HS3ST4: variants seen among roughly 807,000 people sequenced by gnomAD.
The protein encoded by HS3ST4 is heparan sulfate-glucosamine 3-sulfotransferase 4.
A neutral mutation model predicts 29.2 loss-of-function variants in HS3ST4; 17 were observed. The ratio of observed to expected loss-of-function variants is 0.58; its 90% CI spans 0.40 to 0.87. The LOEUF (loss-of-function observed/expected upper bound fraction) is 0.87, where lower values mean the gene tolerates loss of function less well. HS3ST4 is among the 40% of genes least tolerant of loss of function. HS3ST4 has a pLI of 0.00. For synonymous variants in HS3ST4, 314 were observed against 285.7 expected (o/e 1.10, Z -1.00); for missense variants, 627 against 634.5 (o/e 0.99, Z 0.13).
At chr16:26,092,658 A>G (rs1055692782) in intron 1 of HS3ST4, among the ~76,000 whole-genome samples, 13 of 152,200 alleles carry the variant, frequency 8.5e-5, no homozygotes, top group Admixed American at 7.2e-4. Context: ...TCCGGTCTGC[A>G]GCTCCCAGTG....
At chr16:25,810,003 G>A (rs1309016058) in intron 1 of HS3ST4, among the ~76,000 whole-genome samples, 1 of 151,562 alleles carries the variant, frequency 6.6e-6, no homozygotes, top group African/African-American at 2.4e-5. Flanking sequence ...TGTTTCTTCT[G>A]CTTGCTTTGA....
chr16:25,809,473 A>G (rs1567244593), intron 1 of HS3ST4, among the ~76,000 whole-genome samples: 2 of 151,988 alleles, frequency 1.3e-5, no homozygotes, highest in Non-Finnish European at 2.9e-5. Flanking sequence ...ATTGATCGGT[A>G]TTTTCTTTTT....
intron 1 of HS3ST4, among the ~76,000 whole-genome samples, chr16:26,125,283 G>A (rs1899326547): frequency 6.6e-6 from 1 of 152,118 alleles, no homozygotes; most frequent in Non-Finnish European, 1.5e-5. Context: ...TCCACAGATG[G>A]GGGTGGGGTG....
chr16:25,979,849 C>T (rs1191311424), intron 1 of HS3ST4, among the ~76,000 whole-genome samples: 1 of 152,206 alleles, frequency 6.6e-6, no homozygotes, highest in Non-Finnish European at 1.5e-5. Flanking sequence ...CTAGAAGTGG[C>T]TGCTTCTCTT....
At chr16:26,116,072 A>G (rs1899197671) in intron 1 of HS3ST4, among the ~76,000 whole-genome samples, 3 of 152,212 alleles carry the variant, frequency 2.0e-5, no homozygotes, top group Non-Finnish European at 4.4e-5. Flanking sequence ...GGTGTTGGCC[A>G]GGGCCAACAT....
intron 1 of HS3ST4, among the ~76,000 whole-genome samples, chr16:26,115,266 T>TGTATATATATATACACAC (rs1555484852): frequency 7.4e-5 from 11 of 148,486 alleles, no homozygotes; most frequent in African/African-American, 2.8e-4. Context: ...TACATATATA[T>TGTATATATATATACACAC]ACACACACAC....
In HS3ST4 at chr16:25,960,195, A is replaced by C. The variant is rs140081528; in HGVS notation, c.735-175417A>C. Among the ~76,000 whole-genome samples, 365 of 152,232 alleles carry C rather than the reference A, an allele frequency of 2.4e-3. 1 individual carries two copies. The highest frequency in any genetic ancestry group is 8.5e-3 in the African/African-American group (353 of 41,562). ...CCCTTGCTCACTCTCTGGCCATGTG[A>C]CATACCTGCTCCCCCTTCTCCTTCC... On this transcript the variant is annotated intron_variant, in intron 1 of 1. Transcript: ENST00000331351.
intron 1 of HS3ST4, among the ~76,000 whole-genome samples, chr16:25,755,345 T>A (rs1966750570): frequency 6.6e-6 from 1 of 152,178 alleles, no homozygotes; most frequent in African/African-American, 2.4e-5. Flanking sequence ...GAGGCAACAA[T>A]AAACTGTGGA....
At chr16:25,777,295 C>T (rs1966848396) in intron 1 of HS3ST4, among the ~76,000 whole-genome samples, 1 of 152,200 alleles carries the variant, frequency 6.6e-6, no homozygotes, top group South Asian at 2.1e-4. Context: ...TCCCCCACAC[C>T]TCTATAACTT....
chr16:25,715,210 T>C lies in HS3ST4; in HGVS notation c.734+22059T>C, dbSNP rs531805580. Among the ~76,000 whole-genome samples the C allele has an allele frequency of 4.6e-5, 7 of 151,644 alleles. No individual in the cohort carries two copies. The East Asian group carries it at 1.4e-3, about 29-fold the overall frequency. On this transcript the variant is annotated intron_variant, in intron 1 of 1. Coordinates refer to ENST00000331351, the MANE Select transcript of HS3ST4 (RefSeq NM_006040.3). The stretch of plus-strand genomic sequence containing the variant: ...GGTGGCGGGCGCCTGTAGTCCCAGC[T>C]ACTCGGGAGGCTGAGGCAGGAGAAT...
chr16:25,943,594 G>C (rs1209202942), intron 1 of HS3ST4, among the ~76,000 whole-genome samples: 1 of 152,212 alleles, frequency 6.6e-6, no homozygotes, highest in African/African-American at 2.4e-5. Flanking sequence ...TCTTGTAAAA[G>C]CAAAATTATT....
intron 1 of HS3ST4, among the ~76,000 whole-genome samples, chr16:25,917,948 A>G (rs965881757): frequency 6.6e-6 from 1 of 152,160 alleles, no homozygotes; most frequent in African/African-American, 2.4e-5. Context: ...CTATAAATTT[A>G]TTGATTCACC....
At chr16:26,010,455 A>C (rs1433993344) in intron 1 of HS3ST4, among the ~76,000 whole-genome samples, 2 of 151,342 alleles carry the variant, frequency 1.3e-5, no homozygotes, top group Non-Finnish European at 2.9e-5. Context: ...CTCCATCTCA[A>C]AAAAAGAAAA....
intron 1 of HS3ST4, among the ~76,000 whole-genome samples, chr16:26,119,984 A>C (rs4541081): frequency 0.094 from 14,235 of 151,938 alleles, 917 homozygotes; most frequent in African/African-American, 0.18. Flanking sequence ...GGATTGCTAG[A>C]TGAGGAGGTG....
intron 1 of HS3ST4, among the ~76,000 whole-genome samples, chr16:25,802,088 G>A (rs12919795): frequency 0.24 from 36,342 of 150,994 alleles, 5,436 homozygotes; most frequent in South Asian, 0.42. Context: ...TGAAGGGACA[G>A]ACAGCAAACA....
intron 1 of HS3ST4, among the ~76,000 whole-genome samples, chr16:25,778,792 A>G (rs1486156186): frequency 6.6e-6 from 1 of 152,096 alleles, no homozygotes; most frequent in Non-Finnish European, 1.5e-5. Flanking sequence ...GATGAAGACG[A>G]AGGAGAAGAA....
Position 26,136,015 on chromosome 16 carries a change from G to T in HS3ST4, c.1138G>T (p.Val380Phe), listed in dbSNP as rs1315817766. The T allele has an allele frequency of 6.2e-7, 1 of 1,613,998 alleles. No individual in the cohort carries two copies. Among genetic ancestry groups the T allele is most frequent in the Non-Finnish European group, 8.5e-7 (1 of 1,179,878 alleles). The change falls in exon 2 of 2, where the codon GTT becomes TTT. Residue 380 changes from valine (V) to phenylalanine (F), a missense_variant. Val to Phe is a conservative substitution (Grantham distance 50). Coordinates refer to ENST00000331351, the MANE Select transcript of HS3ST4 (RefSeq NM_006040.3). ...ACAGGATTTTCTAGGCCTCAAACGT[G>T]TTGTGACTGAGAAGCATTTCTATTT... ...KVQDFLGLKR[V>F]VTEKHFYFNK... is the part of the protein sequence containing the mutation.
chr16:25,935,503 A>G (rs1274296475), intron 1 of HS3ST4, among the ~76,000 whole-genome samples: 4 of 151,980 alleles, frequency 2.6e-5, no homozygotes, highest in Non-Finnish European at 5.9e-5. Flanking sequence ...CCTGGAAATC[A>G]CTGGTATTTT....
At chr16:25,931,458 A>G (rs1254168966) in intron 1 of HS3ST4, among the ~76,000 whole-genome samples, 1 of 152,258 alleles carries the variant, frequency 6.6e-6, no homozygotes, top group East Asian at 1.9e-4. Context: ...AGTGCAGGGC[A>G]CAAACGATAA....
Sources: allele counts gnomAD v4.1 joint callset (sites outside exome capture counted in the v4.1 genomes callset), GRCh38; gene constraint gnomAD v4.1.1; transcripts MANE v1.5; gene names NCBI Gene and HGNC (gene_info 2026-07-23, HGNC 2026-07-21).